NREP: variants seen among roughly 807,000 people sequenced by gnomAD.
The protein encoded by NREP is neuronal regeneration related protein.
A neutral mutation model predicts 8.6 loss-of-function variants in NREP; 5 were observed. The observed-to-expected ratio is 0.58, with a 90% CI of 0.30 to 1.22. NREP has a LOEUF of 1.22. NREP is among the 50% of genes most tolerant of loss of function. The pLI, the probability that NREP is intolerant of heterozygous loss-of-function variation, is 0.07. For missense variants in NREP, 86 were observed against 82.5 expected (o/e 1.04, Z -0.17); for synonymous variants, 27 against 28.0 (o/e 0.96, Z 0.11).
chr5:111,761,543 G>A (rs2112863396), upstream of NREP, among the ~76,000 whole-genome samples: 1 of 152,294 alleles, frequency 6.6e-6, no homozygotes, highest in Admixed American at 6.5e-5. Context: ...CTCTACACTT[G>A]TCCTTACCAC....
At chr5:111,831,706 A>G (rs1176274066) in intron 2 of NREP, among the ~76,000 whole-genome samples, 2 of 152,206 alleles carry the variant, frequency 1.3e-5, no homozygotes, top group African/African-American at 4.8e-5. Context: ...TGAAAGCAGT[A>G]TGGGTATTAT....
intron 2 of NREP, among the ~76,000 whole-genome samples, chr5:111,793,953 G>A (rs1467343863): frequency 1.3e-5 from 2 of 152,186 alleles, no homozygotes; most frequent in Non-Finnish European, 2.9e-5. Context: ...AGCTACTCGA[G>A]AGGCTGAGGT....
intron 2 of NREP, among the ~76,000 whole-genome samples, chr5:111,855,643 A>G (rs1307114276): frequency 6.6e-6 from 1 of 152,140 alleles, no homozygotes; most frequent in Admixed American, 6.5e-5. Context: ...GCTAAATGCA[A>G]ACTGCAACAT....
intron 2 of NREP, among the ~76,000 whole-genome samples, chr5:111,961,287 T>C (rs1458256826): frequency 2.6e-5 from 4 of 152,208 alleles, no homozygotes; most frequent in African/African-American, 4.8e-5. Context: ...CCTTACCCAC[T>C]CAGCCACCAG....
At chr5:111,729,220 G>A (rs1037311740), downstream of NREP, 1 of 152,092 alleles carries the variant, frequency 6.6e-6, no homozygotes, top group Non-Finnish European at 1.5e-5. Flanking sequence ...CTGACTTCTG[G>A]GGCTCTGGAA....
At chr5:111,769,642 C>T (rs563910638) in intron 2 of NREP, among the ~76,000 whole-genome samples, 1 of 152,320 alleles carries the variant, frequency 6.6e-6, no homozygotes, top group South Asian at 2.1e-4. Flanking sequence ...GTTCTGCAGG[C>T]TGCACAGAAA....
intron 2 of NREP, among the ~76,000 whole-genome samples, chr5:111,899,927 G>C (rs910838820): frequency 6.6e-6 from 1 of 152,036 alleles, no homozygotes; most frequent in African/African-American, 2.4e-5. Flanking sequence ...AATCAACAAA[G>C]AAACATCAGA....
intron 2 of NREP, among the ~76,000 whole-genome samples, chr5:111,952,903 G>A (rs1756204128): frequency 6.6e-6 from 1 of 151,902 alleles, no homozygotes; most frequent in Admixed American, 6.6e-5. Context: ...GTGAAAGGGA[G>A]GACTCTTCAC....
chr5:111,903,455 T>C (rs933715030), intron 2 of NREP, among the ~76,000 whole-genome samples: 1 of 152,144 alleles, frequency 6.6e-6, no homozygotes, highest in Non-Finnish European at 1.5e-5. Context: ...TTGGTAATTA[T>C]AAAGTTTAAT....
At chr5:111,949,290 T>C (rs1267349678) in intron 2 of NREP, among the ~76,000 whole-genome samples, 1 of 151,880 alleles carries the variant, frequency 6.6e-6, no homozygotes, top group Non-Finnish European at 1.5e-5. Context: ...TGATTGCAGC[T>C]TGCATCAACA....
upstream of NREP, chr5:111,758,150 C>G: frequency 1.0e-6 from 1 of 985,610 alleles, no homozygotes; most frequent in Non-Finnish European, 1.2e-6. Flanking sequence ...GCCCCACTCC[C>G]TTCCGCGGGG....
intron 2 of NREP, among the ~76,000 whole-genome samples, chr5:111,810,188 G>A (rs953847011): frequency 1.3e-5 from 2 of 152,062 alleles, no homozygotes; most frequent in Non-Finnish European, 2.9e-5. Flanking sequence ...GAGAAAAGTC[G>A]ACAATGAGCT....
Position 111,730,985 on chromosome 5 carries a change from G to A in NREP, c.143C>T (p.Ser48Phe). The A allele has an allele frequency of 6.2e-7, 1 of 1,613,896 alleles. No individual in the cohort carries two copies. Among genetic ancestry groups the A allele is most frequent in the Non-Finnish European group, 8.5e-7 (1 of 1,179,800 alleles). Residue 48 changes from serine to phenylalanine, a missense_variant, in exon 4 of 4, where the codon TCC (serine) becomes TTC (phenylalanine). Physicochemically the swap from Ser to Phe is radical, Grantham distance 155. Transcript: ENST00000257435. ...RKKNDETNAASLTPLGSSELR... is the reference protein window; with the variant it reads ...RKKNDETNAAFLTPLGSSELR... Reference sequence around the variant, plus strand: ...TTCACTGCTGCCCAGTGGAGTCAGGGAGGCAGCGTTTGTCTCATCGTTCTT... The same window carrying A: ...TTCACTGCTGCCCAGTGGAGTCAGGAAGGCAGCGTTTGTCTCATCGTTCTT...
intron 1 of NREP, among the ~76,000 whole-genome samples, chr5:111,975,628 G>C (rs1756941528): frequency 6.6e-6 from 1 of 152,056 alleles, no homozygotes; most frequent in Non-Finnish European, 1.5e-5. Context: ...GTTTGACAAA[G>C]AAAATGGTTA....
At chr5:111,896,038 G>C (rs772231731) in intron 2 of NREP, among the ~76,000 whole-genome samples, 2 of 152,200 alleles carry the variant, frequency 1.3e-5, no homozygotes, top group Non-Finnish European at 2.9e-5. Flanking sequence ...GAAAGTTATA[G>C]TAGTGCTTTA....
chr5:111,883,267 A>T (rs1186869665), intron 2 of NREP, among the ~76,000 whole-genome samples: 1 of 152,238 alleles, frequency 6.6e-6, no homozygotes, highest in East Asian at 1.9e-4. Context: ...CAATGAGAAG[A>T]GCTAACTATC....
chr5:111,958,161 T>C (rs1412379530), intron 2 of NREP, among the ~76,000 whole-genome samples: 1 of 151,754 alleles, frequency 6.6e-6, no homozygotes, highest in Non-Finnish European at 1.5e-5. Flanking sequence ...ACACTTTAAC[T>C]CAAAAAAGAG....
intron 2 of NREP, among the ~76,000 whole-genome samples, chr5:111,896,593 A>T (rs1048419016): frequency 3.9e-5 from 6 of 152,202 alleles, no homozygotes; most frequent in Non-Finnish European, 8.8e-5. Flanking sequence ...CCAACCATTT[A>T]AACCGGAGTA....
intron 2 of NREP, among the ~76,000 whole-genome samples, chr5:111,874,179 T>C (rs930593595): frequency 1.3e-5 from 2 of 148,670 alleles, no homozygotes; most frequent in African/African-American, 5.2e-5. Flanking sequence ...CATTTTCATA[T>C]ATGTTTTAAA....
Sources: gnomAD v4.1 joint callset for allele counts (sites outside exome capture counted in the v4.1 genomes callset) on GRCh38, gnomAD v4.1.1 for gene constraint, MANE v1.5 for transcripts, NCBI Gene and HGNC (gene_info 2026-07-23, HGNC 2026-07-21) for gene names.